The following FBXL17 variants were observed in gnomAD, a reference collection of about 807,000 sequenced individuals.
FBXL17 encodes F-box/LRR-repeat protein 17.
A neutral mutation model predicts 66.2 loss-of-function variants in FBXL17; 22 were observed. That is an observed-to-expected ratio of 0.33 (90% confidence interval 0.24 to 0.47). The LOEUF (loss-of-function observed/expected upper bound fraction) is 0.47, where lower values mean the gene tolerates loss of function less well. Among genes scored for constraint, FBXL17 ranks in the 20% least tolerant of loss-of-function variants. The pLI is 1.00. For missense variants in FBXL17, 878 were observed against 948.2 expected, an observed-to-expected ratio of 0.93 and a Z score of 0.97; for synonymous variants, 474 against 400.5, an observed-to-expected ratio of 1.18 and a Z score of -2.19.
chr5:108,299,086 T>G, intron 4 of FBXL17: 1 of 976,346 alleles, frequency 1.0e-6, no homozygotes, highest in South Asian at 4.7e-5. Flanking sequence ...TTTACTGCTA[T>G]TTTAAAAAAC....
At chr5:108,284,944 A>G (rs992754941) in intron 4 of FBXL17, among the ~76,000 whole-genome samples, 2 of 151,894 alleles carry the variant, frequency 1.3e-5, no homozygotes, top group African/African-American at 4.8e-5. Flanking sequence ...TATTTTACCC[A>G]CAGCAAAACT....
intron 7 of FBXL17, among the ~76,000 whole-genome samples, chr5:107,908,962 C>G (rs1309320354): frequency 1.3e-5 from 2 of 152,162 alleles, no homozygotes; most frequent in Admixed American, 6.6e-5. Flanking sequence ...CACACCTTTG[C>G]TGGCTGCAGC....
chr5:108,360,721 T>G (rs1246385234), intron 3 of FBXL17, among the ~76,000 whole-genome samples: 1 of 152,140 alleles, frequency 6.6e-6, no homozygotes. Context: ...AAAATGTGAA[T>G]GTTTTTCTGC....
chr5:107,879,367 T>C (rs1488330930), intron 8 of FBXL17: 41 of 985,420 alleles, frequency 4.2e-5, no homozygotes, highest in Non-Finnish European at 4.9e-5. Context: ...ACCCTTTAAC[T>C]TGTCTTAAAA....
At chr5:108,098,061 G>A (rs182762748) in intron 6 of FBXL17, among the ~76,000 whole-genome samples, 1 of 151,820 alleles carries the variant, frequency 6.6e-6, no homozygotes, top group East Asian at 1.9e-4. Flanking sequence ...CTTCTTAAAT[G>A]AATAATGAAT....
At chr5:108,326,032 T>C (rs1759831631) in intron 4 of FBXL17, among the ~76,000 whole-genome samples, 1 of 152,136 alleles carries the variant, frequency 6.6e-6, no homozygotes, top group Non-Finnish European at 1.5e-5. Context: ...GAGTTTACAC[T>C]TTAAGGGTGG....
At chr5:108,131,979 C>CCT (rs1750951278) in intron 6 of FBXL17, among the ~76,000 whole-genome samples, 1 of 143,168 alleles carries the variant, frequency 7.0e-6, no homozygotes, top group African/African-American at 2.6e-5. Context: ...GAAGAAAGTC[C>CCT]TTTTTTTTTT....
chr5:108,254,118 G>C (rs771885105), intron 4 of FBXL17, among the ~76,000 whole-genome samples: 2 of 152,110 alleles, frequency 1.3e-5, no homozygotes, highest in Non-Finnish European at 2.9e-5. Context: ...ACATGAATAA[G>C]TTTTACAAAA....
intron 5 of FBXL17, among the ~76,000 whole-genome samples, chr5:108,200,684 T>A (rs1328174142): frequency 1.4e-5 from 2 of 141,866 alleles, no homozygotes; most frequent in African/African-American, 5.2e-5. Context: ...AGTGGGAAGC[T>A]TTTTCTTGAA....
intron 8 of FBXL17, among the ~76,000 whole-genome samples, chr5:107,868,519 G>A (rs1244596026): frequency 6.6e-6 from 1 of 152,190 alleles, no homozygotes; most frequent in Non-Finnish European, 1.5e-5. Flanking sequence ...GGCCATCCGT[G>A]ACTACGCCAG....
intron 1 of FBXL17, among the ~76,000 whole-genome samples, chr5:108,376,317 G>A (rs1303424172): frequency 6.6e-6 from 1 of 152,142 alleles, no homozygotes; most frequent in Non-Finnish European, 1.5e-5. Flanking sequence ...ATCCAGATTG[G>A]GGAGCTGGAA....
intron 7 of FBXL17, among the ~76,000 whole-genome samples, chr5:107,991,863 A>C (rs1030422854): frequency 5.3e-5 from 8 of 152,208 alleles, no homozygotes; most frequent in Non-Finnish European, 1.2e-4. Context: ...TATTTTCAGG[A>C]GTACCCTACA....
At chr5:108,094,735 T>C (rs1749307983) in intron 6 of FBXL17, among the ~76,000 whole-genome samples, 1 of 152,092 alleles carries the variant, frequency 6.6e-6, no homozygotes, top group Non-Finnish European at 1.5e-5. Context: ...AAAAATGTTA[T>C]TGTCTAAACC....
rs1470977247 is a variant in FBXL17 at position 108,380,826 on chromosome 5, G to A, written c.866C>T (p.Ala289Val). Reference protein sequence around the residue: ...VRAGGTAPLSAQQQHECGDAD... With the variant: ...VRAGGTAPLSVQQQHECGDAD... ...GTCGCCACATTCATGCTGCTGCTGG[G>A]CGGACAAGGGGGCGGTGCCCCCGGC... is the stretch of plus-strand genomic sequence containing the variant. Residue 289 changes from alanine (A) to valine (V), a missense_variant, in exon 1 of 9, where the codon GCC becomes GTC. Ala to Val is a moderately conservative substitution (Grantham distance 64, BLOSUM62 0). Coordinates refer to ENST00000542267, the MANE Select transcript of FBXL17 (RefSeq NM_001163315.3). 2.4e-6 allele frequency: 3 copies of A among 1,247,996 alleles called. No individual in the cohort carries two copies. Among genetic ancestry groups the A allele is most frequent in the African/African-American group, 1.5e-5 (1 of 64,608 alleles). 77.3% of individuals were successfully genotyped at this position (1,247,996 alleles called of 1,614,324 possible). A position where few individuals can be genotyped will look rare whatever the true frequency, so the allele number is the denominator to read the frequency against.
At chr5:108,256,510 T>C (rs1234663809) in intron 4 of FBXL17, among the ~76,000 whole-genome samples, 1 of 152,172 alleles carries the variant, frequency 6.6e-6, no homozygotes, top group African/African-American at 2.4e-5. Flanking sequence ...TTTTCAGTTC[T>C]TTCATGATCA....
chr5:107,882,415 T>A (rs931090865), intron 7 of FBXL17, among the ~76,000 whole-genome samples: 1 of 152,068 alleles, frequency 6.6e-6, no homozygotes, highest in African/African-American at 2.4e-5. Flanking sequence ...CACTCCCAAG[T>A]AGCCAGATAT....
At chr5:108,131,585 C>T (rs1750932943) in intron 6 of FBXL17, among the ~76,000 whole-genome samples, 1 of 152,126 alleles carries the variant, frequency 6.6e-6, no homozygotes, top group Non-Finnish European at 1.5e-5. Flanking sequence ...CTAATCACCA[C>T]TGTGTATTCC....
intron 7 of FBXL17, among the ~76,000 whole-genome samples, chr5:107,975,435 T>C (rs906935641): frequency 6.6e-6 from 1 of 152,234 alleles, no homozygotes; most frequent in Non-Finnish European, 1.5e-5. Context: ...AATATGTATT[T>C]TCACATCTCA....
intron 7 of FBXL17, among the ~76,000 whole-genome samples, chr5:108,004,295 C>T (rs1200041141): frequency 2.6e-5 from 4 of 152,102 alleles, no homozygotes; most frequent in African/African-American, 9.7e-5. Flanking sequence ...AGTTAACGAA[C>T]ACTATTTTCC....
Sources: gnomAD v4.1 joint callset for allele counts (sites outside exome capture counted in the v4.1 genomes callset) on GRCh38, gnomAD v4.1.1 for gene constraint, MANE v1.5 for transcripts, NCBI Gene and HGNC (gene_info 2026-07-23, HGNC 2026-07-21) for gene names.